The following PPARG variants were observed in gnomAD, a reference collection of about 807,000 sequenced individuals.
The protein encoded by PPARG is peroxisome proliferator-activated receptor gamma.
In PPARG, 17 loss-of-function variants were observed where a neutral mutation model predicts 39.2. The ratio of observed to expected loss-of-function variants is 0.43; its 90% CI spans 0.30 to 0.65. The LOEUF is 0.65. Ranked by LOEUF, PPARG falls within the 30% of genes least tolerant of loss-of-function variation. The probability of loss-of-function intolerance (pLI) is 0.13; values close to 1 mark genes in which losing one functional copy is unlikely to be tolerated. For missense variants in PPARG, 406 were observed against 585.9 expected (o/e 0.69, Z 3.17); for synonymous variants, 223 against 215.7 (o/e 1.03, Z -0.30).
intron 2 of PPARG, among the ~76,000 whole-genome samples, chr3:12,365,560 A>C (rs950374785): frequency 6.6e-6 from 1 of 151,920 alleles, no homozygotes; most frequent in Non-Finnish European, 1.5e-5. Context: ...TATGAAGAGA[A>C]TAAGCTCTGT....
At chr3:12,398,630 C>A (rs1488870186) in intron 5 of PPARG, among the ~76,000 whole-genome samples, 1 of 152,080 alleles carries the variant, frequency 6.6e-6, no homozygotes, top group Non-Finnish European at 1.5e-5. Context: ...GAGGCACCAT[C>A]AGAGAGATCT....
chr3:12,403,975 C>T (rs1439430034), intron 5 of PPARG, among the ~76,000 whole-genome samples: 2 of 152,238 alleles, frequency 1.3e-5, no homozygotes, highest in East Asian at 3.9e-4. Context: ...AGATTAATTC[C>T]TGTGATCAGT....
At chr3:12,400,026 T>A (rs1333429404) in intron 5 of PPARG, among the ~76,000 whole-genome samples, 1 of 151,904 alleles carries the variant, frequency 6.6e-6, no homozygotes, top group East Asian at 1.9e-4. Flanking sequence ...GGAAAACAAC[T>A]TATTGGCAAT....
chr3:12,392,814 C>T, intron 5 of PPARG, 62 bp downstream of exon 5: 1 of 1,597,892 alleles, frequency 6.3e-7, no homozygotes, highest in Non-Finnish European at 8.6e-7. Context: ...GACCAGTGGA[C>T]ACTAAAGCCA....
At chr3:12,347,343 T>C (rs2048357786) in intron 2 of PPARG, among the ~76,000 whole-genome samples, 1 of 152,142 alleles carries the variant, frequency 6.6e-6, no homozygotes, top group South Asian at 2.1e-4. Flanking sequence ...TTAAAAAATT[T>C]TCCAAAAGGG....
At chr3:12,351,293 C>G (rs4135245) in intron 2 of PPARG, among the ~76,000 whole-genome samples, 94 of 152,256 alleles carry the variant, frequency 6.2e-4, no homozygotes, top group Non-Finnish European at 1.1e-3. Flanking sequence ...TGTGGGTCAC[C>G]GGCGAGACAG....
intron 6 of PPARG, among the ~76,000 whole-genome samples, chr3:12,412,533 A>T (rs569843073): frequency 2.6e-5 from 4 of 152,346 alleles, no homozygotes; most frequent in Non-Finnish European, 5.9e-5. Context: ...CCCTCAAAAA[A>T]TTGATTTCTC....
At chr3:12,335,946 A>C (rs1229582343) in intron 2 of PPARG, among the ~76,000 whole-genome samples, 1 of 152,078 alleles carries the variant, frequency 6.6e-6, no homozygotes, top group Admixed American at 6.6e-5. Context: ...CTTAATCTTA[A>C]AGTGATGGTA....
chr3:12,396,270 C>T (rs771834019), intron 5 of PPARG, among the ~76,000 whole-genome samples: 3 of 151,710 alleles, frequency 2.0e-5, no homozygotes, highest in Admixed American at 6.6e-5. Context: ...TACAGGTGCC[C>T]GAAACCATAC....
rs765091444 is a variant in PPARG, at chr3:12,381,333, G to T, written c.232G>T (p.Val78Leu). The stretch of plus-strand genomic sequence containing the variant: ...GTCTCCATACACAGGTGCAATCAAA[G>T]TGGAGCCTGCATCTCCACCTTATTA... ...KLQEYQSAIK[V>L]EPASPPYYSE... The change falls in exon 4 of 8, where the codon GTG becomes TTG. Residue 78 changes from valine to leucine, a missense_variant. Physicochemically the swap from Val to Leu is conservative, Grantham distance 32 (BLOSUM62 1). Coordinates refer to ENST00000651735, the MANE Select transcript of PPARG (RefSeq NM_138711.6). The T allele has an allele frequency of 1.9e-6, 3 of 1,613,080 alleles. No individual in the cohort carries two copies. The highest frequency in any genetic ancestry group is 2.5e-6 in the Non-Finnish European group (3 of 1,179,568).
intron 2 of PPARG, among the ~76,000 whole-genome samples, chr3:12,355,586 A>G (rs2048635845): frequency 6.6e-6 from 1 of 152,078 alleles, no homozygotes; most frequent in East Asian, 1.9e-4. Context: ...CATCACCAGT[A>G]CTTGGCAGAT....
chr3:12,308,369 AAGGG>A (rs2047134891), intron 1 of PPARG, among the ~76,000 whole-genome samples: 1 of 107,442 alleles, frequency 9.3e-6, no homozygotes, highest in Non-Finnish European at 2.0e-5. Flanking sequence ...AAAAAAAAAA[AAGGG>A]AGAAACTGAT....
intron 2 of PPARG, among the ~76,000 whole-genome samples, chr3:12,313,590 A>T (rs541529665): frequency 6.6e-6 from 1 of 152,198 alleles, no homozygotes; most frequent in African/African-American, 2.4e-5. Context: ...AACATTTTGG[A>T]TAAGAGATAC....
chr3:12,391,371 A>G (rs2050071261), intron 4 of PPARG, among the ~76,000 whole-genome samples: 1 of 152,168 alleles, frequency 6.6e-6, no homozygotes, highest in Non-Finnish European at 1.5e-5. Context: ...GAGTTCCAGA[A>G]GAGAGGTGGG....
intron 2 of PPARG, among the ~76,000 whole-genome samples, chr3:12,360,232 G>A (rs1047083530): frequency 2.0e-5 from 3 of 151,806 alleles, no homozygotes; most frequent in African/African-American, 7.3e-5. Flanking sequence ...GACTGGTTTC[G>A]AACTCTGGCC....
intron 1 of PPARG, among the ~76,000 whole-genome samples, chr3:12,300,532 C>T (rs2046900105): frequency 6.6e-6 from 1 of 150,488 alleles, no homozygotes; most frequent in African/African-American, 2.4e-5. Context: ...GGTTGACTTT[C>T]TTTGTCCTAT....
rs148195788 is a variant in PPARG at position 12,392,714 on chromosome 3, G to A, written c.491G>A (p.Arg164Gln). 6.2e-7 allele frequency: 1 copy of A among 1,613,780 alleles called. No homozygotes were observed. Among genetic ancestry groups the A allele is most frequent in the Admixed American group, 1.7e-5 (1 of 59,974 alleles). The change falls in exon 5 of 8, where the codon CGG (arginine) becomes CAG (glutamine). Residue 164 changes from arginine to glutamine, a missense_variant. Coordinates refer to ENST00000651735, the MANE Select transcript of PPARG (RefSeq NM_138711.6). ...AGTAGAAATAAATGTCAGTACTGTC[G>A]GTTTCAGAAATGCCTTGCAGTGGGG... ...KKSRNKCQYC[R>Q]FQKCLAVGMS...
rs115591074 is a variant in PPARG at position 12,364,779 on chromosome 3, C to T, written c.-8-14925C>T. ...TTCTTGTTTTAGTTTGCAGTGCTCT[C>T]GTGACATATGATGTTGAAGATCTTT... On this transcript the variant is annotated intron_variant, in intron 2 of 7. Coordinates refer to ENST00000651735, the MANE Select transcript of PPARG (RefSeq NM_138711.6). Among the ~76,000 whole-genome samples the T allele has an allele frequency of 3.2e-3, 489 of 152,264 alleles. 6 individuals carry two copies. Among genetic ancestry groups the T allele is most frequent in the African/African-American group, 0.011 (476 of 41,544 alleles).
rs1574961856 is a variant in PPARG at position 12,307,528 on chromosome 3, A to G, written c.-82-4852A>G. ...ATTAGAGAATGAGTAGAAAGGAACT[A>G]GTCAAGAAAAGCAGAAGATTTGGGT... On this transcript the variant is annotated intron_variant, in intron 1 of 7. Transcript: ENST00000651735. Among the ~76,000 whole-genome samples the G allele has an allele frequency of 2.6e-5, 4 of 152,326 alleles. 1 individual carries two copies. The highest frequency in any genetic ancestry group is 2.6e-4 in the Admixed American group (4 of 15,296).
Sources: allele counts gnomAD v4.1 joint callset (sites outside exome capture counted in the v4.1 genomes callset), GRCh38; gene constraint gnomAD v4.1.1; transcripts MANE v1.5; gene names NCBI Gene and HGNC (gene_info 2026-07-23, HGNC 2026-07-21).